The following DLGAP2 variants were observed in gnomAD, a reference collection of about 807,000 sequenced individuals.
The protein encoded by DLGAP2 is disks large-associated protein 2.
Under a neutral mutation model 100.3 loss-of-function variants are expected in DLGAP2, and 26 were observed. That is an observed-to-expected ratio of 0.26 (90% CI 0.19 to 0.36). The LOEUF is 0.36. Ranked by LOEUF, DLGAP2 falls within the 10% of genes least tolerant of loss-of-function variation. The pLI, the probability that DLGAP2 is intolerant of heterozygous loss-of-function variation, is 1.00. For synonymous variants in DLGAP2, 886 were observed against 630.1 expected, an observed-to-expected ratio of 1.41 and a Z score of -6.08; for missense variants, 1,858 against 1,453.2, an observed-to-expected ratio of 1.28 and a Z score of -4.53.
At chr8:1,591,464 T>C (rs1796288130) in intron 6 of DLGAP2, among the ~76,000 whole-genome samples, 2 of 152,148 alleles carry the variant, frequency 1.3e-5, no homozygotes. Flanking sequence ...AGTTTCCTGA[T>C]GGGGTCTTCC....
intron 3 of DLGAP2, among the ~76,000 whole-genome samples, chr8:1,273,313 C>G (rs1799619334): frequency 1.3e-5 from 2 of 152,258 alleles, no homozygotes; most frequent in East Asian, 1.9e-4. Flanking sequence ...TGAGAGAGCC[C>G]TGCTGGGGAC....
At chr8:1,285,157 C>T (rs978939484) in intron 3 of DLGAP2, among the ~76,000 whole-genome samples, 12 of 152,234 alleles carry the variant, frequency 7.9e-5, no homozygotes, top group African/African-American at 2.2e-4. Context: ...GCTCTTGCAT[C>T]GTATTTTTCT....
intron 1 of DLGAP2, among the ~76,000 whole-genome samples, chr8:828,616 A>G (rs1274886440): frequency 1.3e-5 from 2 of 152,208 alleles, no homozygotes; most frequent in African/African-American, 4.8e-5. Context: ...TCCTGAGACG[A>G]TATGCATCCT....
chr8:1,487,294 G>A (rs1799256859), intron 3 of DLGAP2, among the ~76,000 whole-genome samples: 1 of 152,160 alleles, frequency 6.6e-6, no homozygotes, highest in South Asian at 2.1e-4. Context: ...GCTAGGCCTG[G>A]GGATATAGAT....
At chr8:1,303,391 C>T (rs71516166) in intron 3 of DLGAP2, among the ~76,000 whole-genome samples, 82,605 of 141,484 alleles carry the variant, frequency 0.58, 23,970 homozygotes, top group African/African-American at 0.63. Context: ...AGCGAGACTC[C>T]GTCTCAAAAA....
intron 8 of DLGAP2, among the ~76,000 whole-genome samples, chr8:1,657,440 C>A (rs1015759826): frequency 6.6e-6 from 1 of 152,248 alleles, no homozygotes; most frequent in African/African-American, 2.4e-5. Context: ...CCCACACCAT[C>A]CAACTGAATG....
chr8:847,782 C>T (rs1239129145), intron 1 of DLGAP2, among the ~76,000 whole-genome samples: 1 of 152,224 alleles, frequency 6.6e-6, no homozygotes, highest in Admixed American at 6.5e-5. Flanking sequence ...GCTGGCATTA[C>T]ACAGGCTTGA....
At chr8:1,416,941 C>T (rs1227456789) in intron 3 of DLGAP2, among the ~76,000 whole-genome samples, 1 of 152,202 alleles carries the variant, frequency 6.6e-6, no homozygotes, top group Non-Finnish European at 1.5e-5. Context: ...AACAGATTTG[C>T]TTCGTGAGGA....
intron 3 of DLGAP2, among the ~76,000 whole-genome samples, chr8:1,343,711 G>T (rs561328355): frequency 1.6e-5 from 1 of 60,836 alleles, no homozygotes; most frequent in Non-Finnish European, 4.0e-5. Context: ...GGGGGGTCGT[G>T]GGGGGTGTTA....
At chr8:1,422,187 G>A (rs1257847920) in intron 3 of DLGAP2, among the ~76,000 whole-genome samples, 2 of 152,108 alleles carry the variant, frequency 1.3e-5, no homozygotes, top group African/African-American at 4.8e-5. Flanking sequence ...AATGTCTTAT[G>A]GCCGCTAGGA....
chr8:1,119,390 T>C (rs1045003763), intron 2 of DLGAP2, among the ~76,000 whole-genome samples: 2 of 152,232 alleles, frequency 1.3e-5, no homozygotes, highest in Admixed American at 6.5e-5. Context: ...TGACTGTGCA[T>C]CTACTGCAGT....
intron 2 of DLGAP2, among the ~76,000 whole-genome samples, chr8:993,675 G>C (rs906214741): frequency 2.4e-4 from 37 of 152,076 alleles, no homozygotes; most frequent in African/African-American, 7.7e-4. Flanking sequence ...TTTAGCCTGA[G>C]AGGACGTCAG....
intron 3 of DLGAP2, among the ~76,000 whole-genome samples, chr8:1,488,876 A>C (rs1416687851): frequency 6.6e-6 from 1 of 152,158 alleles, no homozygotes; most frequent in African/African-American, 2.4e-5. Context: ...AGGGGGCATC[A>C]AAGGGGACCT....
chr8:1,346,697 A>C (rs534752093), intron 3 of DLGAP2, among the ~76,000 whole-genome samples: 13 of 131,470 alleles, frequency 9.9e-5, no homozygotes, highest in African/African-American at 3.8e-4. Flanking sequence ...CTTTAAACTC[A>C]TGGTAGCTGT....
intron 3 of DLGAP2, among the ~76,000 whole-genome samples, chr8:1,315,008 T>A (rs1457602782): frequency 6.6e-6 from 1 of 152,230 alleles, no homozygotes; most frequent in Non-Finnish European, 1.5e-5. Context: ...TGTTTTTAGT[T>A]ATTAATAGGA....
intron 3 of DLGAP2, among the ~76,000 whole-genome samples, chr8:1,273,652 T>G (rs1034805503): frequency 6.6e-6 from 1 of 152,242 alleles, no homozygotes; most frequent in Non-Finnish European, 1.5e-5. Context: ...TGGAGTTTAC[T>G]GCAGGCATAT....
chr8:827,795 C>T (rs1480026061), intron 1 of DLGAP2, among the ~76,000 whole-genome samples: 1 of 152,132 alleles, frequency 6.6e-6, no homozygotes, highest in Non-Finnish European at 1.5e-5. Flanking sequence ...GGAAAAGAAA[C>T]TGAGGACACA....
At position 1,194,274 on chromosome 8, in the gene DLGAP2, A is replaced by T. The variant is rs201141644; in HGVS notation, c.74-64577A>T. 3.9e-5 allele frequency among the ~76,000 whole-genome samples: 6 copies of T among 152,190 alleles called. No homozygotes were observed. In the East Asian group the frequency reaches 9.8e-4, roughly 25 times the overall value. ...TGGAAACACAGGCTCTGCGATTTTG[A>T]GAGTGAACCTGCAAGAGACAAGCAG... On this transcript the variant is annotated intron_variant, in intron 2 of 14. Transcript: ENST00000637795.
chr8:890,331 C>T (rs543833180), intron 1 of DLGAP2, among the ~76,000 whole-genome samples: 3 of 152,114 alleles, frequency 2.0e-5, no homozygotes, highest in Admixed American at 1.3e-4. Context: ...CGTTTGTGAC[C>T]ACTTGTCGTT....
Sources: allele counts gnomAD v4.1 joint callset (sites outside exome capture counted in the v4.1 genomes callset), GRCh38; gene constraint gnomAD v4.1.1; transcripts MANE v1.5; gene names NCBI Gene and HGNC (gene_info 2026-07-23, HGNC 2026-07-21).